The following PAK5 variants were observed in gnomAD, a reference collection of about 807,000 sequenced individuals.
PAK5 encodes p21 (RAC1) activated kinase 5.
In PAK5, 16 loss-of-function variants were observed where a neutral mutation model predicts 65.9. That is an observed-to-expected ratio of 0.24 (90% CI 0.16 to 0.37). The LOEUF (loss-of-function observed/expected upper bound fraction) is 0.37. Ranked by LOEUF, PAK5 falls within the 10% of genes least tolerant of loss-of-function variation. The probability of loss-of-function intolerance (pLI) is 1.00; values close to 1 mark genes in which losing one functional copy is unlikely to be tolerated. For synonymous variants in PAK5, 371 were observed against 354.9 expected (o/e 1.05, Z -0.51); for missense variants, 785 against 903.9 (o/e 0.87, Z 1.69).
At chr20:9,713,046 A>G (rs2048096778) in intron 1 of PAK5, among the ~76,000 whole-genome samples, 1 of 152,170 alleles carries the variant, frequency 6.6e-6, no homozygotes, top group Non-Finnish European at 1.5e-5. Flanking sequence ...AAACTTCTGA[A>G]CAGCAAAGGA....
At chr20:9,596,676 G>C (rs186947123) in intron 3 of PAK5, among the ~76,000 whole-genome samples, 1 of 147,998 alleles carries the variant, frequency 6.8e-6, no homozygotes, top group African/African-American at 2.5e-5. Context: ...CAGAGAAGTC[G>C]TGGCTTGAGG....
chr20:9,617,387 G>A (rs1166893116), intron 3 of PAK5, among the ~76,000 whole-genome samples: 2 of 152,090 alleles, frequency 1.3e-5, no homozygotes, highest in Non-Finnish European at 2.9e-5. Flanking sequence ...TGTACGGTAA[G>A]TAATTCTTCC....
intron 3 of PAK5, among the ~76,000 whole-genome samples, chr20:9,639,229 G>T (rs543176721): frequency 6.6e-6 from 1 of 152,068 alleles, no homozygotes. Context: ...AACATAGTTT[G>T]TCCCCTTAAA....
At chr20:9,834,927 A>G (rs221012) in intron 1 of PAK5, among the ~76,000 whole-genome samples, 93,237 of 152,064 alleles carry the variant, frequency 0.61, 28,736 homozygotes, top group Non-Finnish European at 0.64. Flanking sequence ...CAGAATATTT[A>G]TTGACTGATT....
At chr20:9,673,410 C>T (rs1208121804) in intron 2 of PAK5, among the ~76,000 whole-genome samples, 1 of 152,116 alleles carries the variant, frequency 6.6e-6, no homozygotes, top group Admixed American at 6.5e-5. Context: ...ATAGAGTAGC[C>T]GTGAGCTACA....
At chr20:9,663,481 C>T (rs771035289) in intron 2 of PAK5, among the ~76,000 whole-genome samples, 1 of 152,162 alleles carries the variant, frequency 6.6e-6, no homozygotes, top group Admixed American at 6.5e-5. Flanking sequence ...TTGAAAAATG[C>T]CAAAATGCAT....
chr20:9,644,505 T>G (rs937756898), intron 2 of PAK5, among the ~76,000 whole-genome samples, 166 bp from the exon 3 acceptor site: 8 of 152,122 alleles, frequency 5.3e-5, no homozygotes, highest in African/African-American at 1.9e-4. Context: ...ATTAGATAAT[T>G]TTATTCAATT....
At chr20:9,734,552 G>GCGCACACACACA (rs112278013) in intron 1 of PAK5, among the ~76,000 whole-genome samples, 3 of 149,368 alleles carry the variant, frequency 2.0e-5, no homozygotes, top group East Asian at 2.0e-4. Context: ...ACGCGCACAT[G>GCGCACACACACA]CACACACACA....
chr20:9,633,807 G>A (rs1486190413), intron 3 of PAK5, among the ~76,000 whole-genome samples: 2 of 152,196 alleles, frequency 1.3e-5, no homozygotes, highest in African/African-American at 2.4e-5. Context: ...GGAATGCTGG[G>A]AACAGCATTT....
chr20:9,783,651 T>C (rs751735737), intron 1 of PAK5, among the ~76,000 whole-genome samples: 2 of 152,220 alleles, frequency 1.3e-5, no homozygotes, highest in Non-Finnish European at 2.9e-5. Flanking sequence ...GTTCAAATAA[T>C]GTCTAGTGAT....
At position 9,743,997 on chromosome 20, in the gene PAK5, C is replaced by G. The variant is rs1019716676; in HGVS notation, c.-161-32562G>C. 8.3e-4 allele frequency among the ~76,000 whole-genome samples: 126 copies of G among 152,114 alleles called. 2 individuals carry two copies. Among genetic ancestry groups the G allele is most frequent in the Non-Finnish European group, 2.2e-4 (15 of 68,026 alleles). ...GTGAAATGACACACAGAGGAGATAG[C>G]AATGTGAAGAGAGGGATTTGAAGAT... On this transcript the variant is annotated intron_variant, in intron 1 of 9. Transcript: ENST00000353224.
intron 2 of PAK5, among the ~76,000 whole-genome samples, chr20:9,702,748 G>A (rs1376745744): frequency 6.6e-6 from 1 of 152,084 alleles, no homozygotes; most frequent in Non-Finnish European, 1.5e-5. Flanking sequence ...GATCCCTGTG[G>A]CTCAAGGCAC....
intron 4 of PAK5, among the ~76,000 whole-genome samples, chr20:9,568,401 A>C (rs1256837946): frequency 2.0e-5 from 3 of 152,182 alleles, no homozygotes; most frequent in Admixed American, 6.5e-5. Context: ...AAAGATGGCT[A>C]TCAGGATTTT....
chr20:9,786,611 A>G (rs2048995293), intron 1 of PAK5, among the ~76,000 whole-genome samples: 1 of 152,076 alleles, frequency 6.6e-6, no homozygotes, highest in South Asian at 2.1e-4. Flanking sequence ...GAAGAAACTG[A>G]AAGTTATCAA....
chr20:9,742,631 C>T (rs1480186456), intron 1 of PAK5, among the ~76,000 whole-genome samples: 1 of 152,102 alleles, frequency 6.6e-6, no homozygotes, highest in South Asian at 2.1e-4. Context: ...CCCTATATTC[C>T]TGTTGCAGAA....
At chr20:9,657,759 T>A (rs1393648510) in intron 2 of PAK5, among the ~76,000 whole-genome samples, 1 of 152,144 alleles carries the variant, frequency 6.6e-6, no homozygotes, top group African/African-American at 2.4e-5. Flanking sequence ...AAGGGGCAGG[T>A]CTTGCGAACT....
At chr20:9,671,372 C>T (rs1185370094) in intron 2 of PAK5, among the ~76,000 whole-genome samples, 6 of 152,092 alleles carry the variant, frequency 3.9e-5, no homozygotes, top group African/African-American at 7.2e-5. Context: ...GGCAGTATGG[C>T]CATTTTCACG....
At chr20:9,644,383 C>A in intron 2 of PAK5, 44 bp from the exon 3 acceptor site, 1 of 1,279,592 alleles carries the variant, frequency 7.8e-7, no homozygotes, top group Non-Finnish European at 1.1e-6. Context: ...TATATCTTGC[C>A]AGCAGAAGAC....
rs56065351 is a variant in PAK5, at chr20:9,610,468, G to T, written c.205-29538C>A. Among the ~76,000 whole-genome samples, 175 of 152,300 alleles carry T rather than the reference G, an allele frequency of 1.1e-3. 1 individual carries two copies. The highest frequency in any genetic ancestry group is 4.0e-3 in the African/African-American group (168 of 41,550). On this transcript the variant is annotated intron_variant, in intron 3 of 9. Coordinates refer to ENST00000353224, the MANE Select transcript of PAK5 (RefSeq NM_177990.4). ...CATCCCATGACTGTAGACCGATTCT[G>T]CATGGTGCAGTGTGCTTGCAGCATT...
Sources: gnomAD v4.1 joint callset for allele counts (sites outside exome capture counted in the v4.1 genomes callset) on GRCh38, gnomAD v4.1.1 for gene constraint, MANE v1.5 for transcripts, NCBI Gene and HGNC (gene_info 2026-07-23, HGNC 2026-07-21) for gene names.